Variants in STARD13 observed in about 807,000 individuals in gnomAD.
STARD13 encodes the protein StAR related lipid transfer domain containing 13, also known as stAR-related lipid transfer protein 13.
Under a neutral mutation model 106.4 loss-of-function variants are expected in STARD13, and 62 were observed. The ratio of observed to expected loss-of-function variants is 0.58; its 90% confidence interval spans 0.48 to 0.72. The LOEUF is 0.72. Among genes scored for constraint, STARD13 ranks in the 30% least tolerant of loss-of-function variants. STARD13 has a pLI of 0.00. For missense variants in STARD13, 1,387 were observed against 1,424.0 expected (o/e 0.97, Z 0.42); for synonymous variants, 565 against 553.0 (o/e 1.02, Z -0.31).
the STARD13 span, among the ~76,000 whole-genome samples, chr13:33,628,002 G>A: frequency 2.9e-5 from 4 of 139,704 alleles, no homozygotes; most frequent in African/African-American, 1.1e-4. Context: ...GTCTCGCTCT[G>A]TTGCCAGGCT....
the STARD13 span, among the ~76,000 whole-genome samples, chr13:33,426,220 G>A: frequency 1.3e-5 from 2 of 152,108 alleles, no homozygotes; most frequent in Non-Finnish European, 1.5e-5. Context: ...ATATGTTTTT[G>A]GTGATGCTTT....
At chr13:33,629,238 A>G in the STARD13 span, among the ~76,000 whole-genome samples, 1 of 152,238 alleles carries the variant, frequency 6.6e-6, no homozygotes, top group African/African-American at 2.4e-5. Context: ...ACTATACTTC[A>G]TTGGTAAGAC....
intron 1 of STARD13, among the ~76,000 whole-genome samples, chr13:33,307,695 A>G (rs1222314706): frequency 2.6e-5 from 4 of 152,184 alleles, no homozygotes; most frequent in African/African-American, 9.7e-5. Context: ...CAGGATAAAT[A>G]GCTAATGCAT....
At chr13:33,379,631 A>T in the STARD13 span, among the ~76,000 whole-genome samples, 2 of 152,264 alleles carry the variant, frequency 1.3e-5, no homozygotes, top group Admixed American at 1.3e-4. Context: ...GTAGAAATGG[A>T]TGTAAATATA....
intron 1 of STARD13, among the ~76,000 whole-genome samples, chr13:33,241,690 G>A (rs9536854): frequency 0.16 from 24,330 of 151,962 alleles, 2,613 homozygotes; most frequent in Admixed American, 0.32. Context: ...GCAGGCGCGC[G>A]CCGCCACGCC....
At chr13:33,664,958 A>T in the STARD13 span, among the ~76,000 whole-genome samples, 2 of 152,148 alleles carry the variant, frequency 1.3e-5, no homozygotes, top group African/African-American at 4.8e-5. Context: ...TACCTTACTC[A>T]TCCTGACGGA....
chr13:33,176,469 G>A (rs73459212), intron 1 of STARD13, among the ~76,000 whole-genome samples: 7,439 of 152,136 alleles, frequency 0.049, 307 homozygotes, highest in African/African-American at 0.11. Flanking sequence ...TTGTTACTAG[G>A]TTTACAGCTA....
the STARD13 span, among the ~76,000 whole-genome samples, chr13:33,627,873 A>G: frequency 6.6e-6 from 1 of 152,076 alleles, no homozygotes. Context: ...CAATAGTGAG[A>G]TGAACATCGA....
At position 33,105,659 on chromosome 13, in the gene STARD13, T is replaced by C. The variant is rs1168115349; in HGVS notation, c.3276A>G (p.Ala1092=). 6.2e-7 allele frequency: 1 copy of C among 1,614,224 alleles called. No individual in the cohort carries two copies. ...YSKGFGHLCA[A]EVARIRNSFQ... ...AAGAGTTTCTAATCCTGGCAACTTC[T>C]GCTGCACACAGATGTCCAAAGCCTT... is the stretch of plus-strand genomic sequence containing the variant. Residue 1092 remains alanine, a synonymous_variant, in exon 14 of 14, where the codon GCA becomes GCG. Coordinates refer to ENST00000336934, the MANE Select transcript of STARD13 (RefSeq NM_178006.4).
At chr13:33,192,258 G>A (rs1337262933) in intron 1 of STARD13, among the ~76,000 whole-genome samples, 1 of 152,190 alleles carries the variant, frequency 6.6e-6, no homozygotes, top group East Asian at 1.9e-4. Flanking sequence ...CTACTTAGAA[G>A]CTAAAACAGT....
the STARD13 span, among the ~76,000 whole-genome samples, chr13:33,499,538 TTC>T: frequency 1.2e-3 from 57 of 47,034 alleles, 2 homozygotes; most frequent in African/African-American, 2.7e-3. Flanking sequence ...CTTCTTCTTC[TTC>T]TTCTTCTTCT....
intron 1 of STARD13, among the ~76,000 whole-genome samples, chr13:33,245,738 A>G (rs1396224052): frequency 6.6e-6 from 1 of 152,236 alleles, no homozygotes; most frequent in Non-Finnish European, 1.5e-5. Context: ...TGCAGCCAAG[A>G]TAAGTGGAAC....
chr13:33,647,121 C>T, the STARD13 span, among the ~76,000 whole-genome samples: 2 of 152,166 alleles, frequency 1.3e-5, no homozygotes, highest in Non-Finnish European at 2.9e-5. Flanking sequence ...TTGACTAGTT[C>T]CTCCTTAACT....
the STARD13 span, among the ~76,000 whole-genome samples, chr13:33,664,966 G>C: frequency 3.9e-5 from 6 of 152,136 alleles, no homozygotes; most frequent in African/African-American, 1.4e-4. Context: ...TCATCCTGAC[G>C]GAAAAGATAA....
intron 1 of STARD13, among the ~76,000 whole-genome samples, chr13:33,296,435 C>CGTGT (rs1555259296): frequency 6.6e-6 from 1 of 151,012 alleles, no homozygotes; most frequent in Non-Finnish European, 1.5e-5. Flanking sequence ...CATAGTGACA[C>CGTGT]GTGTGTGTGT....
chr13:33,282,978 T>C (rs1463697072), intron 1 of STARD13, among the ~76,000 whole-genome samples: 1 of 152,126 alleles, frequency 6.6e-6, no homozygotes, highest in Admixed American at 6.6e-5. Context: ...TACAGTGAAC[T>C]ATGATCACAC....
At chr13:33,110,204 AC>A in intron 11 of STARD13, 114 bp from the exon 12 acceptor site, 6 of 844,588 alleles carry the variant, frequency 7.1e-6, no homozygotes, top group Non-Finnish European at 1.1e-5. Flanking sequence ...AAAAACCATC[AC>A]TGATTATGTA....
chr13:33,518,970 C>T, the STARD13 span, among the ~76,000 whole-genome samples: 1 of 152,128 alleles, frequency 6.6e-6, no homozygotes, highest in Non-Finnish European at 1.5e-5. Flanking sequence ...CAAAGATTCT[C>T]TGCTTGACCA....
chr13:33,117,840 A>G, intron 8 of STARD13: 1 of 985,236 alleles, frequency 1.0e-6, no homozygotes, highest in Non-Finnish European at 1.2e-6. Context: ...TTTGAGAAGG[A>G]ATATTTTGAT....
Sources: allele counts gnomAD v4.1 joint callset (sites outside exome capture counted in the v4.1 genomes callset), GRCh38; gene constraint gnomAD v4.1.1; transcripts MANE v1.5; gene names NCBI Gene and HGNC (gene_info 2026-07-23, HGNC 2026-07-21).